The following PTK2 variants were observed in gnomAD, a reference collection of about 807,000 sequenced individuals.
PTK2 encodes focal adhesion kinase 1.
Under a neutral mutation model 150.1 loss-of-function variants are expected in PTK2, and 45 were observed. The ratio of observed to expected loss-of-function variants is 0.30; its 90% CI spans 0.24 to 0.38. PTK2 has a LOEUF of 0.38. Among genes scored for constraint, PTK2 ranks in the 10% least tolerant of loss-of-function variants. The probability of loss-of-function intolerance (pLI) is 1.00; values close to 1 mark genes in which losing one functional copy is unlikely to be tolerated. For missense variants in PTK2, 919 were observed against 1,307.3 expected (o/e 0.70, Z 4.58); for synonymous variants, 432 against 449.2 (o/e 0.96, Z 0.48).
chr8:140,785,937 A>G (rs1343925129), intron 14 of PTK2, among the ~76,000 whole-genome samples: 1 of 152,238 alleles, frequency 6.6e-6, no homozygotes, highest in Non-Finnish European at 1.5e-5. Flanking sequence ...ATACAGAAAC[A>G]CAATTTTAAA....
exon 32 of PTK2, chr8:140,658,269 A>C (rs1588555530): frequency 6.2e-6 from 1 of 162,444 alleles, no homozygotes; most frequent in East Asian, 1.4e-4. Flanking sequence ...ATTAAATAAA[A>C]AAAAAGAAAC....
At chr8:140,675,551 T>A in intron 27 of PTK2, 52 bp from the exon 31 acceptor site, 1 of 1,389,686 alleles carries the variant, frequency 7.2e-7, no homozygotes, top group African/African-American at 1.4e-5. Context: ...ACTTGGGCAA[T>A]GACCTCTCTC....
intron 31 of PTK2, among the ~76,000 whole-genome samples, chr8:140,664,654 T>C (rs1435763032): frequency 6.6e-6 from 1 of 152,164 alleles, no homozygotes; most frequent in African/African-American, 2.4e-5. Context: ...GGACCTTGCA[T>C]AGTGGCTCTG....
At chr8:140,827,071 G>C (rs1232483950) in intron 8 of PTK2, among the ~76,000 whole-genome samples, 7 of 151,812 alleles carry the variant, frequency 4.6e-5, no homozygotes, top group Non-Finnish European at 1.0e-4. Flanking sequence ...TTCAATCTGT[G>C]CTCCATGTTG....
rs531790183 is a variant in PTK2, at chr8:140,756,260, T to C, written c.1333-3944A>G. 7.4e-5 allele frequency among the ~76,000 whole-genome samples: 11 copies of C among 148,356 alleles called. No homozygotes were observed. In the South Asian group the frequency reaches 2.2e-3, roughly 29 times the overall value. ...ATCGCCTGAACCCGGGAGGCAGAGG[T>C]TGCAGTGATTGGAGATCACATCACT... is the stretch of plus-strand genomic sequence containing the variant. On this transcript the variant is annotated intron_variant, in intron 16 of 31. Transcript: ENST00000522684.
intron 2 of PTK2, among the ~76,000 whole-genome samples, chr8:140,902,791 T>C (rs1482498722): frequency 1.3e-5 from 2 of 151,840 alleles, no homozygotes; most frequent in African/African-American, 2.4e-5. Flanking sequence ...CTTCGCCCAC[T>C]TTTTGGTGGG....
intron 1 of PTK2, among the ~76,000 whole-genome samples, chr8:140,969,343 CTT>C (rs1430308721): frequency 2.0e-5 from 3 of 152,182 alleles, no homozygotes; most frequent in Non-Finnish European, 4.4e-5. Context: ...CTCACAAAGA[CTT>C]TAAAACAGCT....
chr8:140,894,078 C>G (rs976448470), intron 2 of PTK2, among the ~76,000 whole-genome samples: 1 of 152,154 alleles, frequency 6.6e-6, no homozygotes, highest in African/African-American at 2.4e-5. Context: ...CATACTCCCC[C>G]CAATGTGATG....
intron 20 of PTK2, among the ~76,000 whole-genome samples, chr8:140,742,542 C>T (rs1328356425): frequency 6.6e-6 from 1 of 152,198 alleles, no homozygotes; most frequent in African/African-American, 2.4e-5. Context: ...TTTATTTTAA[C>T]AACTGACAGG....
intron 26 of PTK2, among the ~76,000 whole-genome samples, chr8:140,697,375 C>T (rs2100027301): frequency 6.6e-6 from 1 of 150,982 alleles, no homozygotes; most frequent in African/African-American, 2.4e-5. Context: ...ACATGCTCTG[C>T]TTTGCTCACA....
At chr8:140,690,515 A>G (rs2100022528) in intron 26 of PTK2, among the ~76,000 whole-genome samples, 1 of 152,214 alleles carries the variant, frequency 6.6e-6, no homozygotes, top group South Asian at 2.1e-4. Flanking sequence ...TTATTTTAAA[A>G]TATTGTATAC....
chr8:140,872,531 T>C (rs2100143146), intron 4 of PTK2, among the ~76,000 whole-genome samples: 1 of 152,188 alleles, frequency 6.6e-6, no homozygotes, highest in Non-Finnish European at 1.5e-5. Context: ...AGCTCCCACC[T>C]GCCCCTGGAC....
At chr8:140,968,598 C>T (rs990347746) in intron 1 of PTK2, among the ~76,000 whole-genome samples, 9 of 152,248 alleles carry the variant, frequency 5.9e-5, no homozygotes, top group East Asian at 3.9e-4. Flanking sequence ...TGCTCTTCAC[C>T]GCTGTTCTAT....
At chr8:140,922,152 G>C (rs2100167695) in intron 2 of PTK2, among the ~76,000 whole-genome samples, 1 of 152,042 alleles carries the variant, frequency 6.6e-6, no homozygotes, top group African/African-American at 2.4e-5. Flanking sequence ...GAGAACAAGA[G>C]GCTTATTTGT....
intron 14 of PTK2, among the ~76,000 whole-genome samples, chr8:140,766,361 C>T (rs745399762): frequency 4.6e-5 from 7 of 152,180 alleles, no homozygotes; most frequent in Non-Finnish European, 1.0e-4. Context: ...TTACCATGCA[C>T]CAAAGCTTAT....
intron 1 of PTK2, among the ~76,000 whole-genome samples, chr8:140,993,541 T>C (rs1401487137): frequency 2.0e-5 from 3 of 152,218 alleles, no homozygotes; most frequent in Admixed American, 6.5e-5. Context: ...CTACAAAATA[T>C]GTAACACATA....
At chr8:140,993,250 T>C (rs1284711220) in intron 1 of PTK2, among the ~76,000 whole-genome samples, 1 of 152,224 alleles carries the variant, frequency 6.6e-6, no homozygotes, top group Non-Finnish European at 1.5e-5. Context: ...TGAGCTCAGA[T>C]GATCCGCTGG....
chr8:140,927,970 A>G lies in PTK2; in HGVS notation c.-121-2221T>C, dbSNP rs2100170223. Among the ~76,000 whole-genome samples the G allele has an allele frequency of 5.3e-5, 5 of 93,496 alleles. No homozygotes were observed. In the Admixed American group the frequency reaches 6.8e-4, roughly 13 times the overall value. 61.3% of individuals were successfully genotyped at this position (93,496 alleles called of 152,430 possible). ...AAAAAAAAAAAAAGAAAAAAAAAAAAAAAAAATATATATATATATATATGT... is the reference window on the plus strand; with the variant it reads ...AAAAAAAAAAAAAGAAAAAAAAAAAGAAAAAATATATATATATATATATGT... On this transcript the variant is annotated intron_variant, in intron 1 of 31. Transcript: ENST00000522684.
chr8:140,972,182 T>C lies in PTK2; in HGVS notation c.-122+28943A>G, dbSNP rs111583920. Among the ~76,000 whole-genome samples, 643 of 126,318 alleles carry C rather than the reference T, an allele frequency of 5.1e-3. 9 individuals carry two copies. Among genetic ancestry groups the C allele is most frequent in the African/African-American group, 0.015 (603 of 40,854 alleles). 82.9% of individuals were successfully genotyped at this position (126,318 alleles called of 152,430 possible). On this transcript the variant is annotated intron_variant, in intron 1 of 31. Coordinates refer to ENST00000522684, the Ensembl canonical transcript of PTK2. ...ATTTAGCCAAATGTTATCCACCTCC[T>C]CCCCTAAAAAAAAATCCATTCCTCT...
Sources: gnomAD v4.1 joint callset for allele counts (sites outside exome capture counted in the v4.1 genomes callset) on GRCh38, gnomAD v4.1.1 for gene constraint, MANE v1.5 for transcripts, NCBI Gene and HGNC (gene_info 2026-07-23, HGNC 2026-07-21) for gene names.